COL5A1: variants seen among roughly 807,000 people sequenced by gnomAD.
COL5A1 encodes the protein collagen alpha-1(V) chain.
In COL5A1, 16 loss-of-function variants were observed where a neutral mutation model predicts 263.7. The observed-to-expected ratio is 0.06, with a 90% CI of 0.04 to 0.09. The LOEUF is 0.09. COL5A1 is among the 10% of genes least tolerant of loss of function. The pLI, the probability that COL5A1 is intolerant of heterozygous loss-of-function variation, is 1.00. For synonymous variants in COL5A1, 1,012 were observed against 1,004.5 expected (o/e 1.01, Z -0.14); for missense variants, 2,036 against 2,540.5 (o/e 0.80, Z 4.27).
intron 28 of COL5A1, among the ~76,000 whole-genome samples, chr9:134,781,166 G>C (rs1188227972): frequency 6.6e-6 from 1 of 152,242 alleles, no homozygotes; most frequent in Non-Finnish European, 1.5e-5. Flanking sequence ...GCCACAACTG[G>C]ATCAGAAATG....
chr9:134,726,364 ATC>A (rs1264745041), intron 4 of COL5A1, among the ~76,000 whole-genome samples: 2 of 151,560 alleles, frequency 1.3e-5, no homozygotes, highest in African/African-American at 4.9e-5. Flanking sequence ...GGATGTATGT[ATC>A]TGGATGGATA....
At chr9:134,785,933 C>T in intron 30 of COL5A1, 62 bp from the exon 31 acceptor site, 1 of 1,493,760 alleles carries the variant, frequency 6.7e-7, no homozygotes, top group Non-Finnish European at 9.3e-7. Flanking sequence ...TTTCTCTCTG[C>T]TCCGGGGAAA....
intron 25 of COL5A1, among the ~76,000 whole-genome samples, chr9:134,770,158 G>A (rs892225009): frequency 1.3e-5 from 2 of 152,252 alleles, no homozygotes; most frequent in African/African-American, 4.8e-5. Flanking sequence ...CGAAAATCTG[G>A]AGGAAAGAAA....
chr9:134,642,216 G>T lies in COL5A1; in HGVS notation c.29G>T (p.Arg10Leu). The change falls in exon 1 of 66, where the codon CGC (arginine) becomes CTC (leucine). Residue 10 changes from arginine (R) to leucine (L), a missense_variant. Arg to Leu is a moderately radical substitution (Grantham distance 102, BLOSUM62 -2). This residue lies in a region of COL5A1 where 600 missense variants were observed against 634.5 expected (regional missense o/e 0.95). Coordinates refer to ENST00000371817, the MANE Select transcript of COL5A1 (RefSeq NM_000093.5). The surrounding 1 kb of genome is among the most constrained non-coding windows in gnomAD (Gnocchi z 4.5). The stretch of plus-strand genomic sequence containing the variant: ...GACGTCCATACCCGCTGGAAAGCGC[G>T]CAGCGCGCTCCGCCCGGGCGCCCCG... MDVHTRWKA[R>L]SALRPGAPLL... is the part of the protein sequence containing the mutation. 1 of 1,303,582 alleles carries T rather than the reference G, an allele frequency of 7.7e-7. No individual in the cohort carries two copies. Among genetic ancestry groups the T allele is most frequent in the South Asian group, 2.3e-5 (1 of 43,650 alleles). 80.8% of individuals were successfully genotyped at this position (1,303,582 alleles called of 1,614,324 possible). A position where few individuals can be genotyped will look rare whatever the true frequency, so the allele number is the denominator to read the frequency against.
intron 1 of COL5A1, among the ~76,000 whole-genome samples, chr9:134,675,776 G>C (rs1832669412): frequency 6.6e-6 from 1 of 152,194 alleles, no homozygotes; most frequent in Non-Finnish European, 1.5e-5. Flanking sequence ...TTCACATGGA[G>C]CCCTCCAAGG....
chr9:134,658,586 A>C (rs1483313962), intron 1 of COL5A1, among the ~76,000 whole-genome samples: 1 of 151,972 alleles, frequency 6.6e-6, no homozygotes, highest in African/African-American at 2.4e-5. Flanking sequence ...GCCCTCAAGC[A>C]GGATTTGCAG....
chr9:134,820,780 G>A (rs999185435), intron 58 of COL5A1, among the ~76,000 whole-genome samples: 5 of 152,188 alleles, frequency 3.3e-5, no homozygotes, highest in Non-Finnish European at 7.3e-5. Flanking sequence ...GGTGACGTGT[G>A]CCATGGAGGC....
At chr9:134,826,041 G>GA in intron 63 of COL5A1, 137 bp downstream of exon 63, 1 of 588,884 alleles carries the variant, frequency 1.7e-6, no homozygotes, top group Non-Finnish European at 3.1e-6. Context: ...CAGTGAAACT[G>GA]TTCTTTCAGA....
intron 4 of COL5A1, among the ~76,000 whole-genome samples, chr9:134,706,524 A>C (rs931603244): frequency 6.6e-5 from 10 of 152,136 alleles, no homozygotes; most frequent in African/African-American, 2.4e-4. Context: ...GCCCACCCCC[A>C]CTGTGCCCTG....
intron 31 of COL5A1, among the ~76,000 whole-genome samples, chr9:134,788,602 C>CAGATAGATGGATAGAG (rs1246578085): frequency 6.9e-6 from 1 of 143,912 alleles, no homozygotes; most frequent in Non-Finnish European, 1.5e-5. Context: ...GGTGGATAGA[C>CAGATAGATGGATAGAG]AGATAGATGG....
chr9:134,760,921 G>A (rs1191687580), intron 18 of COL5A1, among the ~76,000 whole-genome samples: 24 of 116,022 alleles, frequency 2.1e-4, no homozygotes, highest in Non-Finnish European at 3.7e-4. Context: ...ACACACACAC[G>A]TACACACATG....
Position 134,647,563 on chromosome 9 carries a change from GT to G in COL5A1, c.109+5268del, listed in dbSNP as rs1305601964. Among the ~76,000 whole-genome samples the G allele has an allele frequency of 6.6e-6, 1 of 152,222 alleles. No homozygotes were observed. Among genetic ancestry groups the G allele is most frequent in the Non-Finnish European group, 1.5e-5 (1 of 68,040 alleles). ...GCTGACTCCACGTGCAGGGCCTGGT[GT>G]GTTTGAGGAGCTCGTGGCAGGGCGA... On this transcript the variant is annotated intron_variant, in intron 1 of 65. Transcript: ENST00000371817. This position sits in a 1 kb window ranked among gnomAD's most constrained non-coding sequence, Gnocchi z 5.0.
intron 1 of COL5A1, among the ~76,000 whole-genome samples, chr9:134,648,304 AATATAT>A (rs58079380): frequency 5.1e-5 from 6 of 116,732 alleles, no homozygotes; most frequent in Non-Finnish European, 1.1e-4. Flanking sequence ...ATATATATAT[AATATAT>A]ATATATATAT....
intron 65 of COL5A1, among the ~76,000 whole-genome samples, chr9:134,839,135 C>T (rs763245174): frequency 1.3e-5 from 2 of 152,232 alleles, no homozygotes; most frequent in South Asian, 2.1e-4. Context: ...AATTCCAACG[C>T]GGGCATCGTT....
intron 1 of COL5A1, among the ~76,000 whole-genome samples, chr9:134,651,320 A>T (rs1332775915): frequency 6.6e-6 from 1 of 152,108 alleles, no homozygotes; most frequent in Non-Finnish European, 1.5e-5. Context: ...CAACAATACC[A>T]TTACTGGGCA....
At position 134,796,351 on chromosome 9, in the gene COL5A1, C is replaced by T. The variant is rs552033027; in HGVS notation, c.2800-23C>T. On this transcript the variant is annotated intron_variant, in intron 34 of 65. Coordinates refer to ENST00000371817, the MANE Select transcript of COL5A1 (RefSeq NM_000093.5). ...CAAATAATAACAATCATAAGCTTTTCCCCCCTCTCCTTCCCTCTCAAGGGC... is the reference window on the plus strand; with the variant it reads ...CAAATAATAACAATCATAAGCTTTTTCCCCCTCTCCTTCCCTCTCAAGGGC... 47 of 1,612,392 alleles carry T rather than the reference C, an allele frequency of 2.9e-5. 1 individual carries two copies. In the South Asian group the frequency reaches 4.3e-4, roughly 15 times the overall value.
chr9:134,809,365 A>T (rs1216959199), intron 43 of COL5A1, 75 bp downstream of exon 43: 2 of 1,157,504 alleles, frequency 1.7e-6, no homozygotes, highest in Non-Finnish European at 2.5e-6. Context: ...GTGAATTTAA[A>T]GGACAGGATG....
rs776312851 is a variant in COL5A1 at position 134,821,824 on chromosome 9, G to A, written c.4555-273G>A. Among the ~76,000 whole-genome samples, 8 of 152,220 alleles carry A rather than the reference G, an allele frequency of 5.3e-5. No homozygotes were observed. Among genetic ancestry groups the A allele is most frequent in the Non-Finnish European group, 1.0e-4 (7 of 68,030 alleles). ...AAGAGGTGCTCAGCCTGAAGTCCTC[G>A]GTGGCCTGGGGGATGAGAGTGAGTT... On this transcript the variant is annotated intron_variant, in intron 58 of 65. Transcript: ENST00000371817. The surrounding 1 kb of genome is among the most constrained non-coding windows in gnomAD (Gnocchi z 4.2).
In COL5A1 at chr9:134,789,942, A is replaced by T. The variant is rs1588551934; in HGVS notation, c.2700+734A>T. 6.6e-6 allele frequency among the ~76,000 whole-genome samples: 1 copy of T among 152,160 alleles called. No homozygotes were observed. The highest frequency in any genetic ancestry group is 2.4e-5 in the African/African-American group (1 of 41,432). ...CTTGTCCACGGGGCATATGGCGGGG[A>T]CAGAGAAAGGCCAGTCTGTGGTGTA... On this transcript the variant is annotated intron_variant, in intron 32 of 65. Transcript: ENST00000371817. The surrounding 1 kb of genome is among the most constrained non-coding windows in gnomAD (Gnocchi z 4.8).
Sources: allele counts gnomAD v4.1 joint callset (sites outside exome capture counted in the v4.1 genomes callset), GRCh38; gene constraint gnomAD v4.1.1; regional missense constraint gnomAD v4.1.1; non-coding constraint Gnocchi (gnomAD v3.1); transcripts MANE v1.5; gene names NCBI Gene and HGNC (gene_info 2026-07-23, HGNC 2026-07-21).